KPNA3: variants seen among roughly 807,000 people sequenced by gnomAD.
KPNA3 encodes the protein karyopherin subunit alpha 3, also known as importin subunit alpha-4.
In KPNA3, 13 loss-of-function variants were observed where a neutral mutation model predicts 73.8. The observed-to-expected ratio is 0.18, with a 90% CI of 0.11 to 0.28. The LOEUF is 0.28. Ranked by LOEUF, KPNA3 falls within the 10% of genes least tolerant of loss-of-function variation. The pLI is 1.00. For missense variants in KPNA3, 360 were observed against 618.1 expected (o/e 0.58, Z 4.43); for synonymous variants, 186 against 206.9 (o/e 0.90, Z 0.87).
At chr13:49,740,000 C>T (rs1165678220) in intron 2 of KPNA3, among the ~76,000 whole-genome samples, 2 of 152,116 alleles carry the variant, frequency 1.3e-5, no homozygotes, top group Non-Finnish European at 2.9e-5. Flanking sequence ...CCTGTAATCC[C>T]AGAACTTTGG....
At chr13:49,763,138 A>G (rs1023146457) in intron 1 of KPNA3, among the ~76,000 whole-genome samples, 20 of 152,196 alleles carry the variant, frequency 1.3e-4, no homozygotes, top group Non-Finnish European at 2.2e-4. Context: ...TCAGGAACAG[A>G]AAAATGGAAG....
chr13:49,755,133 T>C (rs989388297), intron 1 of KPNA3, among the ~76,000 whole-genome samples: 1 of 151,988 alleles, frequency 6.6e-6, no homozygotes, highest in Non-Finnish European at 1.5e-5. Context: ...AAAATCCTTA[T>C]CAAAATGTTA....
At chr13:49,739,577 C>T (rs1196004810) in intron 2 of KPNA3, among the ~76,000 whole-genome samples, 5 of 152,148 alleles carry the variant, frequency 3.3e-5, no homozygotes, top group Admixed American at 1.3e-4. Context: ...GAGTCAGAGG[C>T]CAGGTAAACA....
Position 49,770,704 on chromosome 13 carries a change from T to C in KPNA3, c.69+21734A>G, listed in dbSNP as rs186837117. 1.6e-3 allele frequency among the ~76,000 whole-genome samples: 248 copies of C among 152,024 alleles called. 2 individuals carry two copies. Among genetic ancestry groups the C allele is most frequent in the East Asian group, 0.014 (73 of 5,164 alleles). ...CAACTTTGAGTTGGTTTTTGCATACTGTGTAAGGCTCCAGTATTCTCTTGT... is the reference window on the plus strand; with the variant it reads ...CAACTTTGAGTTGGTTTTTGCATACCGTGTAAGGCTCCAGTATTCTCTTGT... On this transcript the variant is annotated intron_variant, in intron 1 of 16. Coordinates refer to ENST00000261667, the MANE Select transcript of KPNA3 (RefSeq NM_002267.4).
intron 1 of KPNA3, among the ~76,000 whole-genome samples, chr13:49,789,348 T>C (rs1955012777): frequency 1.3e-5 from 2 of 152,202 alleles, no homozygotes; most frequent in Non-Finnish European, 2.9e-5. Context: ...AACCTCATTT[T>C]TTTTTTCCTC....
At chr13:49,777,611 G>A (rs1413590058) in intron 1 of KPNA3, among the ~76,000 whole-genome samples, 1 of 151,782 alleles carries the variant, frequency 6.6e-6, no homozygotes, top group Non-Finnish European at 1.5e-5. Flanking sequence ...AACAATCCTT[G>A]TGCCTCAGCC....
At chr13:49,773,002 G>C (rs2137595594) in intron 1 of KPNA3, among the ~76,000 whole-genome samples, 1 of 152,220 alleles carries the variant, frequency 6.6e-6, no homozygotes, top group Non-Finnish European at 1.5e-5. Context: ...TAGGTAAATG[G>C]CCTACTGTTG....
At chr13:49,749,672 T>A (rs9562919) in intron 1 of KPNA3, among the ~76,000 whole-genome samples, 64,876 of 151,990 alleles carry the variant, frequency 0.43, 14,362 homozygotes, top group South Asian at 0.59. Context: ...TGTGACTGCT[T>A]ACTAATACAT....
chr13:49,790,215 C>A (rs970920504), intron 1 of KPNA3, among the ~76,000 whole-genome samples: 1 of 152,130 alleles, frequency 6.6e-6, no homozygotes, highest in Non-Finnish European at 1.5e-5. Flanking sequence ...ATCTGTAGTT[C>A]GAACACTTTG....
intron 1 of KPNA3, among the ~76,000 whole-genome samples, chr13:49,747,638 A>G (rs940106069): frequency 1.3e-5 from 2 of 152,222 alleles, no homozygotes; most frequent in African/African-American, 4.8e-5. Flanking sequence ...GTGAGCTGAG[A>G]TCATGCCACT....
chr13:49,788,738 TA>T (rs370220925), intron 1 of KPNA3, among the ~76,000 whole-genome samples: 12,812 of 69,972 alleles, frequency 0.18, 863 homozygotes, highest in South Asian at 0.32. Context: ...TTTTTTTTTT[TA>T]AAAAAAAAAA....
At chr13:49,787,556 G>C (rs1463186602) in intron 1 of KPNA3, among the ~76,000 whole-genome samples, 1 of 152,208 alleles carries the variant, frequency 6.6e-6, no homozygotes. Context: ...GCCCAGACTT[G>C]AGTGCAGTGG....
chr13:49,778,105 T>G (rs1954911873), intron 1 of KPNA3, among the ~76,000 whole-genome samples: 1 of 152,230 alleles, frequency 6.6e-6, no homozygotes, highest in African/African-American at 2.4e-5. Context: ...ATAATACTGA[T>G]AGATGACGCT....
At chr13:49,703,206 C>G (rs112332160) in intron 15 of KPNA3, among the ~76,000 whole-genome samples, 26,556 of 110,458 alleles carry the variant, frequency 0.24, 2,770 homozygotes, top group South Asian at 0.41. Context: ...TTTTTTGAGA[C>G]GGAGTCTCAC....
At chr13:49,730,494 T>TG (rs2137552122) in intron 6 of KPNA3, among the ~76,000 whole-genome samples, 2 of 95,470 alleles carry the variant, frequency 2.1e-5, no homozygotes, top group South Asian at 7.8e-4. Context: ...CACTCTACCC[T>TG]GGGCAACAGA....
chr13:49,749,452 C>T (rs1246458037), intron 1 of KPNA3, among the ~76,000 whole-genome samples: 2 of 152,170 alleles, frequency 1.3e-5, no homozygotes, highest in Non-Finnish European at 2.9e-5. Context: ...TGTTTGGGGT[C>T]TAAGAATCCG....
intron 6 of KPNA3, among the ~76,000 whole-genome samples, chr13:49,730,015 G>A (rs79918044): frequency 2.9e-4 from 44 of 152,224 alleles, no homozygotes; most frequent in Non-Finnish European, 5.6e-4. Flanking sequence ...AACTTCCCAT[G>A]ACAAATCCAT....
rs1954127508 is a variant in KPNA3, at chr13:49,699,433, C to T, written c.*2367G>A. 1 of 152,370 alleles carries T rather than the reference C, an allele frequency of 6.6e-6. No homozygotes were observed. Among genetic ancestry groups the T allele is most frequent in the Non-Finnish European group, 1.5e-5 (1 of 68,000 alleles). 9.4% of individuals were successfully genotyped at this position (152,370 alleles called of 1,614,324 possible). On this transcript the variant is annotated 3_prime_UTR_variant, in exon 17 of 17. Transcript: ENST00000261667. ...GAAAGAACGTTTTAGTCTTTTTAAA[C>T]TGAGTTTAAAAAAAAATAACAATGC... is the stretch of plus-strand genomic sequence containing the variant.
intron 1 of KPNA3, among the ~76,000 whole-genome samples, chr13:49,791,970 C>G (rs1038742981): frequency 1.3e-5 from 2 of 152,234 alleles, no homozygotes; most frequent in Non-Finnish European, 2.9e-5. Context: ...AAGGTAGGAG[C>G]CCGGACCGGC....
Sources: gnomAD v4.1 joint callset for allele counts (sites outside exome capture counted in the v4.1 genomes callset) on GRCh38, gnomAD v4.1.1 for gene constraint, MANE v1.5 for transcripts, NCBI Gene and HGNC (gene_info 2026-07-23, HGNC 2026-07-21) for gene names.